The following NCMAP variants were observed in gnomAD, a reference collection of about 807,000 sequenced individuals.
The protein encoded by NCMAP is non-compact myelin associated protein.
In NCMAP, 8 loss-of-function variants were observed where a neutral mutation model predicts 7.8. That is an observed-to-expected ratio of 1.02 (90% confidence interval 0.60 to 1.84). NCMAP has a LOEUF of 1.84. Ranked by LOEUF, NCMAP falls within the 40% of genes most tolerant of loss-of-function variation. NCMAP has a pLI of 0.00. For missense variants in NCMAP, 112 were observed against 131.4 expected (o/e 0.85, Z 0.72); for synonymous variants, 41 against 52.9 (o/e 0.78, Z 0.98).
At position 24,605,846 on chromosome 1, in the gene NCMAP, G is replaced by A; in HGVS notation, c.*99G>A. ...GGCAGCTTCACAATGAGCTTCTTCTGGTCAGGTCGACAGAGACATCTTTGA... is the reference window on the plus strand; with the variant it reads ...GGCAGCTTCACAATGAGCTTCTTCTAGTCAGGTCGACAGAGACATCTTTGA... On this transcript the variant is annotated 3_prime_UTR_variant, in exon 4 of 4. Coordinates refer to ENST00000374392, the MANE Select transcript of NCMAP (RefSeq NM_001010980.5). The A allele has an allele frequency of 1.4e-6, 2 of 1,421,968 alleles. No homozygotes were observed. Among genetic ancestry groups the A allele is most frequent in the Non-Finnish European group, 1.9e-6 (2 of 1,033,932 alleles). The allele number at this position is 1,421,968 out of a possible 1,614,324, so 88.1% of individuals were successfully genotyped here. A position where few individuals can be genotyped will look rare whatever the true frequency, so the allele number is the denominator to read the frequency against.
intron 1 of NCMAP, among the ~76,000 whole-genome samples, chr1:24,565,817 G>A (rs975275766): frequency 1.3e-5 from 2 of 151,994 alleles, no homozygotes; most frequent in Admixed American, 6.6e-5. Flanking sequence ...CCAGTGATAT[G>A]GTTAGGCTTT....
intron 2 of NCMAP, among the ~76,000 whole-genome samples, chr1:24,599,842 G>T: frequency 6.8e-5 from 1 of 14,636 alleles, no homozygotes. Flanking sequence ...CCCCCCCCTT[G>T]GCCTCCCAAA....
intron 2 of NCMAP, among the ~76,000 whole-genome samples, chr1:24,598,838 A>G (rs1288498847): frequency 6.7e-6 from 1 of 149,660 alleles, no homozygotes; most frequent in African/African-American, 2.4e-5. Flanking sequence ...GGGTTTCACC[A>G]TGTTAGCCAG....
intron 1 of NCMAP, among the ~76,000 whole-genome samples, chr1:24,572,520 C>T (rs955365728): frequency 6.6e-6 from 1 of 150,514 alleles, no homozygotes; most frequent in Non-Finnish European, 1.5e-5. Context: ...AACCTGCTAG[C>T]CCCGCCTGGC....
intron 2 of NCMAP, among the ~76,000 whole-genome samples, chr1:24,599,576 C>CT (rs999773819): frequency 3.3e-5 from 5 of 151,598 alleles, no homozygotes; most frequent in Admixed American, 6.6e-5. Flanking sequence ...AACATGGCTC[C>CT]TTTTTTTTGG....
chr1:24,586,021 G>A (rs1241671534), intron 1 of NCMAP, among the ~76,000 whole-genome samples: 4 of 152,328 alleles, frequency 2.6e-5, no homozygotes, highest in South Asian at 2.1e-4. Context: ...AGGGAGAAGC[G>A]AAGAAGGGCT....
At chr1:24,567,472 TA>T (rs1431551036) in intron 1 of NCMAP, among the ~76,000 whole-genome samples, 1 of 152,176 alleles carries the variant, frequency 6.6e-6, no homozygotes, top group Non-Finnish European at 1.5e-5. Context: ...GGCATTCTGC[TA>T]GGGGGTTAAC....
chr1:24,587,434 C>G (rs1276016109), intron 1 of NCMAP, among the ~76,000 whole-genome samples: 1 of 152,186 alleles, frequency 6.6e-6, no homozygotes, highest in Admixed American at 6.5e-5. Flanking sequence ...TGTGGTGATA[C>G]CAGCTACCCC....
At chr1:24,565,534 G>T (rs1651201295) in intron 1 of NCMAP, among the ~76,000 whole-genome samples, 1 of 151,470 alleles carries the variant, frequency 6.6e-6, no homozygotes, top group Non-Finnish European at 1.5e-5. Context: ...TTCTATTAAT[G>T]GCAAGTGACA....
chr1:24,566,793 T>A (rs1281716506), intron 1 of NCMAP, among the ~76,000 whole-genome samples: 4 of 152,170 alleles, frequency 2.6e-5, no homozygotes, highest in Non-Finnish European at 4.4e-5. Flanking sequence ...TAAGCATTTA[T>A]TAGACAATTA....
chr1:24,600,330 T>A (rs537869955), intron 2 of NCMAP, among the ~76,000 whole-genome samples: 1 of 151,882 alleles, frequency 6.6e-6, no homozygotes, highest in East Asian at 1.9e-4. Context: ...TTTAATTTTT[T>A]ATTTCTAGAA....
chr1:24,599,790 C>A (rs978467871), intron 2 of NCMAP, among the ~76,000 whole-genome samples: 8 of 127,964 alleles, frequency 6.3e-5, no homozygotes, highest in Admixed American at 3.1e-4. Flanking sequence ...GTTGGTCAGG[C>A]TGGTCTCGAA....
chr1:24,584,615 G>A (rs1029223270), intron 1 of NCMAP, among the ~76,000 whole-genome samples: 6 of 152,214 alleles, frequency 3.9e-5, no homozygotes, highest in Non-Finnish European at 8.8e-5. Context: ...TTTTGCCATA[G>A]GACTGCAGTA....
At chr1:24,597,651 G>GAAAGAAAGAAAGAAAGAAAGAAAAGAA (rs1557602621) in intron 2 of NCMAP, among the ~76,000 whole-genome samples, 3 of 133,574 alleles carry the variant, frequency 2.2e-5, no homozygotes, top group Non-Finnish European at 3.2e-5. Flanking sequence ...AAGAAAGAAA[G>GAAAGAAAGAAAGAAAGAAAGAAAAGAA]AAAGAAAGAA....
At chr1:24,591,625 C>G (rs1652051453) in intron 1 of NCMAP, among the ~76,000 whole-genome samples, 1 of 152,148 alleles carries the variant, frequency 6.6e-6, no homozygotes, top group African/African-American at 2.4e-5. Flanking sequence ...GCATGGCTAG[C>G]CTGGGCCTGT....
Position 24,569,825 on chromosome 1 carries a change from C to CTTACT in NCMAP, c.-8+13659_-8+13663dup, listed in dbSNP as rs981463677. On this transcript the variant is annotated intron_variant, in intron 1 of 3. Transcript: ENST00000374392. ...CAGTAAGTGCTCATTAAATGCTCCT[C>CTTACT]TTACTTTCAAGCCCTCAAAACATGG... is the stretch of plus-strand genomic sequence containing the variant. Among the ~76,000 whole-genome samples, 113 of 151,014 alleles carry CTTACT rather than the reference C, an allele frequency of 7.5e-4. 7 individuals carry two copies. Among genetic ancestry groups the CTTACT allele is most frequent in the African/African-American group, 2.7e-3 (109 of 40,286 alleles).
chr1:24,576,145 T>A lies in NCMAP; in HGVS notation c.-7-19279T>A, dbSNP rs1031722668. On this transcript the variant is annotated intron_variant, in intron 1 of 3. Transcript: ENST00000374392. The surrounding 1 kb of genome is among the most constrained non-coding windows in gnomAD (Gnocchi z 4.0). ...ACCCTGCACAGATGGCTCCCCTGCC[T>A]GTCCCCCGACCTGCCTTTCTTGGTC... Among the ~76,000 whole-genome samples, 2 of 152,080 alleles carry A rather than the reference T, an allele frequency of 1.3e-5. No homozygotes were observed. Among genetic ancestry groups the A allele is most frequent in the African/African-American group, 4.8e-5 (2 of 41,416 alleles).
intron 1 of NCMAP, among the ~76,000 whole-genome samples, chr1:24,566,021 C>T (rs1651219098): frequency 6.6e-6 from 1 of 152,144 alleles, no homozygotes; most frequent in African/African-American, 2.4e-5. Context: ...TCCTACCTGC[C>T]ACCTTGTGAA....
chr1:24,587,536 C>A (rs866655084), intron 1 of NCMAP, among the ~76,000 whole-genome samples: 15 of 151,928 alleles, frequency 9.9e-5, no homozygotes, highest in Admixed American at 7.2e-4. Context: ...CTTTTTTTTA[C>A]AGGGACTCAC....
Sources: allele counts gnomAD v4.1 joint callset (sites outside exome capture counted in the v4.1 genomes callset), GRCh38; gene constraint gnomAD v4.1.1; non-coding constraint Gnocchi (gnomAD v3.1); transcripts MANE v1.5; gene names NCBI Gene and HGNC (gene_info 2026-07-23, HGNC 2026-07-21).